ITGA8: variants seen among roughly 807,000 people sequenced by gnomAD.
ITGA8 encodes the protein integrin subunit alpha 8, also known as integrin alpha-8.
ITGA8 carries 91 observed loss-of-function variants against 142.3 expected under a neutral mutation model. The observed-to-expected ratio is 0.64, with a 90% CI of 0.54 to 0.76. ITGA8 has a LOEUF of 0.76. ITGA8 is among the 30% of genes least tolerant of loss of function. The pLI, the probability that ITGA8 is intolerant of heterozygous loss-of-function variation, is 0.00. For synonymous variants in ITGA8, 505 were observed against 485.2 expected, an observed-to-expected ratio of 1.04 and a Z score of -0.54; for missense variants, 1,406 against 1,327.7, an observed-to-expected ratio of 1.06 and a Z score of -0.92.
At chr10:15,542,029 T>G (rs2131552381) in intron 27 of ITGA8, among the ~76,000 whole-genome samples, 1 of 152,244 alleles carries the variant, frequency 6.6e-6, no homozygotes, top group Non-Finnish European at 1.5e-5. Flanking sequence ...AACATCACAC[T>G]TAGGGAAAAA....
At chr10:15,711,381 A>G (rs1288176186) in intron 2 of ITGA8, among the ~76,000 whole-genome samples, 1 of 152,146 alleles carries the variant, frequency 6.6e-6, no homozygotes, top group African/African-American at 2.4e-5. Flanking sequence ...CTAAGAGCTT[A>G]TTGACCATGG....
intron 21 of ITGA8, among the ~76,000 whole-genome samples, chr10:15,594,199 T>A (rs1363456177): frequency 6.6e-6 from 1 of 152,032 alleles, no homozygotes; most frequent in Non-Finnish European, 1.5e-5. Flanking sequence ...TCTCTCCTTT[T>A]TAGAAGCCTT....
intron 2 of ITGA8, among the ~76,000 whole-genome samples, chr10:15,705,920 G>A (rs746705578): frequency 2.6e-5 from 4 of 152,052 alleles, no homozygotes; most frequent in Non-Finnish European, 5.9e-5. Flanking sequence ...TGCCCCAGGA[G>A]TCAATCTCAA....
At chr10:15,581,945 T>A (rs960687562) in intron 23 of ITGA8, among the ~76,000 whole-genome samples, 1 of 152,184 alleles carries the variant, frequency 6.6e-6, no homozygotes. Flanking sequence ...TAGGTATTCA[T>A]GTGTAAAAGT....
chr10:15,545,876 C>T (rs1833659252), intron 27 of ITGA8, among the ~76,000 whole-genome samples: 1 of 152,144 alleles, frequency 6.6e-6, no homozygotes. Context: ...TATCACATCA[C>T]TCCTTAGGTT....
At chr10:15,563,986 A>C (rs1027128888) in intron 25 of ITGA8, among the ~76,000 whole-genome samples, 1 of 152,116 alleles carries the variant, frequency 6.6e-6, no homozygotes, top group Non-Finnish European at 1.5e-5. Context: ...GTTTCATCAG[A>C]TGTATCTTGT....
At chr10:15,582,901 A>T (rs1321164873) in intron 23 of ITGA8, among the ~76,000 whole-genome samples, 1 of 152,240 alleles carries the variant, frequency 6.6e-6, no homozygotes, top group Admixed American at 6.5e-5. Flanking sequence ...CATATCATAC[A>T]ACTCGGTAAT....
chr10:15,672,092 T>C (rs1347064880), intron 7 of ITGA8, among the ~76,000 whole-genome samples: 1 of 152,216 alleles, frequency 6.6e-6, no homozygotes, highest in Non-Finnish European at 1.5e-5. Context: ...TACCTCATGA[T>C]GGTTTTCCAC....
At chr10:15,647,119 T>G (rs1833996656) in intron 11 of ITGA8, 68 bp from the exon 12 acceptor site, 1 of 1,129,754 alleles carries the variant, frequency 8.9e-7, no homozygotes, top group Admixed American at 1.8e-5. Flanking sequence ...TTATTTGTAA[T>G]CAACTAGACT....
chr10:15,591,405 A>ATAT (rs1832919486), intron 22 of ITGA8, among the ~76,000 whole-genome samples: 1 of 143,760 alleles, frequency 7.0e-6, no homozygotes, highest in Non-Finnish European at 1.5e-5. Flanking sequence ...CTGTATTAAT[A>ATAT]TATATTATAT....
chr10:15,676,413 G>C (rs952103441), intron 6 of ITGA8, among the ~76,000 whole-genome samples: 9 of 152,130 alleles, frequency 5.9e-5, no homozygotes, highest in African/African-American at 2.2e-4. Context: ...AGTGGTCAGA[G>C]GACAAAACAC....
At chr10:15,569,574 A>G (rs1834142384) in intron 25 of ITGA8, among the ~76,000 whole-genome samples, 1 of 152,164 alleles carries the variant, frequency 6.6e-6, no homozygotes, top group Non-Finnish European at 1.5e-5. Context: ...TCTTACTAAA[A>G]ATAAAACTAA....
chr10:15,539,275 A>G (rs1833520367), intron 27 of ITGA8, among the ~76,000 whole-genome samples: 1 of 152,154 alleles, frequency 6.6e-6, no homozygotes, highest in Non-Finnish European at 1.5e-5. Flanking sequence ...GTCTCAGTAG[A>G]TGAAATAAAA....
rs1833013623 is a variant in ITGA8, at chr10:15,519,277, T to C, written c.3105+13A>G. 6.2e-7 allele frequency: 1 copy of C among 1,612,820 alleles called. No homozygotes were observed. Among genetic ancestry groups the C allele is most frequent in the Non-Finnish European group, 8.5e-7 (1 of 1,179,606 alleles). On this transcript the variant is annotated intron_variant, in intron 29 of 29. Transcript: ENST00000378076. ...CCTCTAGTTTAAAAGGAAAACAAAG[T>C]AAATCAACTTACCTTCCATAAAGCT...
chr10:15,606,605 T>C (rs2131609978), intron 17 of ITGA8, among the ~76,000 whole-genome samples, 183 bp from the exon 18 acceptor site: 1 of 152,284 alleles, frequency 6.6e-6, no homozygotes, highest in Middle Eastern at 3.4e-3. Flanking sequence ...ACCTAATATA[T>C]GTGCAGTGAT....
At chr10:15,522,799 G>A (rs1833094865) in intron 28 of ITGA8, among the ~76,000 whole-genome samples, 1 of 152,188 alleles carries the variant, frequency 6.6e-6, no homozygotes, top group Non-Finnish European at 1.5e-5. Flanking sequence ...ATCACCTGAG[G>A]TGAGGAGTTT....
In ITGA8 at chr10:15,644,024, C is replaced by G. The variant is rs779775717; in HGVS notation, c.1399+6G>C. The G allele has an allele frequency of 2.9e-5, 46 of 1,608,656 alleles. No homozygotes were observed. Among genetic ancestry groups the G allele is most frequent in the Non-Finnish European group, 3.6e-5 (42 of 1,176,360 alleles). ...CTCTCACGTGGGAAAAGAAAGAAAA[C>G]CTTACCTGGGTAATCATTCTTGTCT... On this transcript the variant is annotated splice_donor_region_variant and intron_variant, in intron 13 of 29. Coordinates refer to ENST00000378076, the MANE Select transcript of ITGA8 (RefSeq NM_003638.3).
intron 25 of ITGA8, among the ~76,000 whole-genome samples, chr10:15,566,916 C>T (rs990857419): frequency 3.4e-5 from 5 of 145,100 alleles, no homozygotes; most frequent in Admixed American, 6.8e-5. Context: ...CCACTGCACC[C>T]GGCCTCTGAG....
At chr10:15,691,687 C>A (rs1408287926) in intron 2 of ITGA8, among the ~76,000 whole-genome samples, 1 of 151,990 alleles carries the variant, frequency 6.6e-6, no homozygotes. Flanking sequence ...ATGGTAGTTA[C>A]CAGAGGCTGG....
Sources: gnomAD v4.1 joint callset for allele counts (sites outside exome capture counted in the v4.1 genomes callset) on GRCh38, gnomAD v4.1.1 for gene constraint, MANE v1.5 for transcripts, NCBI Gene and HGNC (gene_info 2026-07-23, HGNC 2026-07-21) for gene names.